The following CALN1 variants were observed in gnomAD, a reference collection of about 807,000 sequenced individuals.
The protein encoded by CALN1 is calneuron 1.
In CALN1, 17 loss-of-function variants were observed where a neutral mutation model predicts 30.6. The observed-to-expected ratio is 0.56, with a 90% CI of 0.38 to 0.83. The LOEUF is 0.83. Ranked by LOEUF, CALN1 falls within the 40% of genes least tolerant of loss-of-function variation. The pLI, the probability that CALN1 is intolerant of heterozygous loss-of-function variation, is 0.00. For synonymous variants in CALN1, 156 were observed against 131.4 expected, an observed-to-expected ratio of 1.19 and a Z score of -1.28; for missense variants, 291 against 354.9, an observed-to-expected ratio of 0.82 and a Z score of 1.45.
chr7:72,346,082 G>A (rs779811185), intron 2 of CALN1, among the ~76,000 whole-genome samples: 1 of 152,034 alleles, frequency 6.6e-6, no homozygotes, highest in Non-Finnish European at 1.5e-5. Flanking sequence ...TAAATTCACC[G>A]GTGAATAGCT....
intron 2 of CALN1, among the ~76,000 whole-genome samples, chr7:72,283,839 T>G (rs930362395): frequency 6.6e-6 from 1 of 152,016 alleles, no homozygotes; most frequent in Non-Finnish European, 1.5e-5. Context: ...AGGGGCTACT[T>G]GAATGGAAAG....
chr7:72,150,559 C>G (rs895886153), intron 3 of CALN1, among the ~76,000 whole-genome samples: 1 of 152,174 alleles, frequency 6.6e-6, no homozygotes, highest in South Asian at 2.1e-4. Context: ...GGGAGCCAGC[C>G]ATGTGGAATG....
chr7:72,171,959 G>A (rs1031684175), intron 3 of CALN1, among the ~76,000 whole-genome samples: 13 of 152,144 alleles, frequency 8.5e-5, no homozygotes, highest in Admixed American at 1.3e-4. Flanking sequence ...GTCATGTAGC[G>A]ATCAAGTAGC....
intron 2 of CALN1, among the ~76,000 whole-genome samples, chr7:72,397,749 C>CACACA (rs1554400055): frequency 4.0e-5 from 6 of 149,720 alleles, no homozygotes; most frequent in African/African-American, 1.2e-4. Flanking sequence ...CACACACACA[C>CACACA]ACCTTGCTCC....
At chr7:72,071,764 A>T (rs796932649) in intron 4 of CALN1, among the ~76,000 whole-genome samples, 9 of 152,376 alleles carry the variant, frequency 5.9e-5, no homozygotes, top group African/African-American at 2.2e-4. Context: ...TCAAAGGAAA[A>T]AATAATAAAT....
At chr7:71,851,251 A>ACACACG (rs1790627905) in intron 5 of CALN1, among the ~76,000 whole-genome samples, 1 of 149,778 alleles carries the variant, frequency 6.7e-6, no homozygotes, top group African/African-American at 2.5e-5. Flanking sequence ...ACACACACAC[A>ACACACG]CATCACACAT....
intron 3 of CALN1, among the ~76,000 whole-genome samples, chr7:72,254,459 C>CA (rs1482133054): frequency 6.6e-6 from 1 of 152,144 alleles, no homozygotes; most frequent in African/African-American, 2.4e-5. Context: ...CTGCTGTCCC[C>CA]ACTCATCAGC....
intron 3 of CALN1, among the ~76,000 whole-genome samples, chr7:72,150,278 T>C (rs1563100705): frequency 6.6e-6 from 1 of 152,100 alleles, no homozygotes. Flanking sequence ...AATCAATAAA[T>C]AAAAAGGAAA....
chr7:71,849,811 T>C (rs929627391), intron 5 of CALN1, among the ~76,000 whole-genome samples: 1 of 152,040 alleles, frequency 6.6e-6, no homozygotes, highest in Non-Finnish European at 1.5e-5. Context: ...ACCTCTGTCA[T>C]TGTTTTGTAG....
At chr7:72,004,458 T>G (rs1313631943) in intron 5 of CALN1, among the ~76,000 whole-genome samples, 1 of 152,150 alleles carries the variant, frequency 6.6e-6, no homozygotes, top group Non-Finnish European at 1.5e-5. Flanking sequence ...GGAGAAAATC[T>G]TCAGTATCTA....
intron 4 of CALN1, among the ~76,000 whole-genome samples, chr7:72,037,854 G>A (rs1801896259): frequency 6.6e-6 from 1 of 152,212 alleles, no homozygotes. Context: ...CCCTGGGCCT[G>A]TGTAGTCACT....
intron 3 of CALN1, among the ~76,000 whole-genome samples, chr7:72,254,815 G>C (rs556615572): frequency 3.9e-5 from 6 of 152,102 alleles, no homozygotes; most frequent in Non-Finnish European, 8.8e-5. Flanking sequence ...TGCCCAGACT[G>C]GAGTGCAGTG....
chr7:72,014,892 G>C (rs566930616), intron 5 of CALN1, among the ~76,000 whole-genome samples: 2 of 151,746 alleles, frequency 1.3e-5, no homozygotes, highest in East Asian at 3.9e-4. Context: ...CAAACTCCTG[G>C]GCTGAAGCGA....
At chr7:72,163,933 G>C (rs765325179) in intron 3 of CALN1, among the ~76,000 whole-genome samples, 1 of 151,182 alleles carries the variant, frequency 6.6e-6, no homozygotes, top group Admixed American at 6.6e-5. Context: ...ACAAGATAAA[G>C]GCAAAAAGAA....
At chr7:71,948,849 C>T (rs2129523776) in intron 5 of CALN1, among the ~76,000 whole-genome samples, 1 of 151,778 alleles carries the variant, frequency 6.6e-6, no homozygotes, top group Middle Eastern at 3.4e-3. Flanking sequence ...CCACACCAGC[C>T]TGGGCAACAT....
chr7:72,410,096 G>A (rs1222652170), intron 1 of CALN1, among the ~76,000 whole-genome samples: 2 of 152,188 alleles, frequency 1.3e-5, no homozygotes. Flanking sequence ...GCCATATGGT[G>A]TGTAATGGGG....
intron 4 of CALN1, among the ~76,000 whole-genome samples, chr7:72,045,551 C>T (rs554996351): frequency 1.3e-5 from 2 of 152,224 alleles, no homozygotes; most frequent in African/African-American, 4.8e-5. Context: ...TTTTTGGAGA[C>T]AGGGTCTCTT....
chr7:71,960,500 A>T (rs756656811), intron 5 of CALN1, among the ~76,000 whole-genome samples: 3 of 152,192 alleles, frequency 2.0e-5, no homozygotes, highest in Non-Finnish European at 4.4e-5. Context: ...TGCAGAAGAT[A>T]ATGATTGCAT....
chr7:72,044,238 G>T (rs1388171758), intron 4 of CALN1, among the ~76,000 whole-genome samples: 1 of 152,076 alleles, frequency 6.6e-6, no homozygotes, highest in African/African-American at 2.4e-5. Flanking sequence ...AATCAGATTG[G>T]GTTGGCTCTC....
Sources: gnomAD v4.1 joint callset for allele counts (sites outside exome capture counted in the v4.1 genomes callset) on GRCh38, gnomAD v4.1.1 for gene constraint, MANE v1.5 for transcripts, NCBI Gene and HGNC (gene_info 2026-07-23, HGNC 2026-07-21) for gene names.